WNK3: variants seen among roughly 807,000 people sequenced by gnomAD.
The protein encoded by WNK3 is serine/threonine-protein kinase WNK3.
Under a neutral mutation model 116.7 loss-of-function variants are expected in WNK3, and 18 were observed. The ratio of observed to expected loss-of-function variants is 0.15; its 90% CI spans 0.11 to 0.23. The LOEUF (loss-of-function observed/expected upper bound fraction) is 0.23. Among genes scored for constraint, WNK3 ranks in the 10% least tolerant of loss-of-function variants. The pLI is 1.00. For missense variants in WNK3, 993 were observed against 1,323.8 expected, an observed-to-expected ratio of 0.75 and a Z score of 3.88; for synonymous variants, 404 against 469.4, an observed-to-expected ratio of 0.86 and a Z score of 1.80.
At chrX:54,202,287 G>A in intron 22 of WNK3, 94 bp from the exon 23 acceptor site, 2 of 806,065 alleles carry the variant, frequency 2.5e-6, no homozygotes, top group South Asian at 5.2e-5. Flanking sequence ...AGTTAACAGA[G>A]CCACACATGG....
At chrX:54,241,637 G>T in intron 17 of WNK3, among the ~76,000 whole-genome samples, 1 of 111,282 alleles carries the variant, frequency 9.0e-6, no homozygotes, top group Non-Finnish European at 1.9e-5. Context: ...AAAGCAAAAG[G>T]ACAAACAAAT....
chrX:54,353,107 T>G (rs1386909979), intron 1 of WNK3, among the ~76,000 whole-genome samples: 2 of 111,894 alleles, frequency 1.8e-5, no homozygotes, highest in Non-Finnish European at 3.8e-5. Context: ...TGAGGTGGTG[T>G]TAGCTGCACA....
intron 6 of WNK3, among the ~76,000 whole-genome samples, 162 bp from the exon 7 acceptor site, chrX:54,298,556 T>C (rs2068723237): frequency 4.5e-5 from 5 of 112,225 alleles, no homozygotes; most frequent in African/African-American, 1.3e-4. Context: ...CTTTAACAGA[T>C]CCTGTGGAAG....
intron 10 of WNK3, among the ~76,000 whole-genome samples, chrX:54,271,937 T>C (rs1337038856): frequency 2.7e-5 from 3 of 112,272 alleles, no homozygotes; most frequent in African/African-American, 9.7e-5. Flanking sequence ...AAATGACTAA[T>C]GTCCTTATTA....
intron 1 of WNK3, among the ~76,000 whole-genome samples, chrX:54,355,634 A>G (rs950071144): frequency 2.7e-5 from 3 of 111,186 alleles, no homozygotes; most frequent in Non-Finnish European, 3.8e-5. Flanking sequence ...AAGCAAAGGC[A>G]GAGAGAGAAA....
chrX:54,358,779 AT>A (rs1350905757), upstream of WNK3: 1 of 112,889 alleles, frequency 8.9e-6, no homozygotes, highest in Non-Finnish European at 1.9e-5. Context: ...GACGGGTGCG[AT>A]GTACCCTGGG....
At chrX:54,212,448 A>G (rs782551038) in intron 22 of WNK3, among the ~76,000 whole-genome samples, 1 of 112,378 alleles carries the variant, frequency 8.9e-6, no homozygotes, top group Non-Finnish European at 1.9e-5. Flanking sequence ...GGAATCCCAG[A>G]AGGGAATGTA....
At chrX:54,258,630 G>A (rs1257610383) in intron 11 of WNK3, among the ~76,000 whole-genome samples, 1 of 109,845 alleles carries the variant, frequency 9.1e-6, no homozygotes, top group East Asian at 2.9e-4. Flanking sequence ...CACTGCACCC[G>A]GCCTCTAACA....
chrX:54,351,017 C>T (rs1187724999), intron 1 of WNK3, among the ~76,000 whole-genome samples: 3 of 110,235 alleles, frequency 2.7e-5, no homozygotes, highest in African/African-American at 9.9e-5. Context: ...ACCCACAAAA[C>T]TATGTATTTC....
At position 54,307,465 on chromosome X, in the gene WNK3, G is replaced by A. The variant is rs189139822; in HGVS notation, c.1089+457C>T. 6.9e-3 allele frequency among the ~76,000 whole-genome samples: 760 copies of A among 110,670 alleles called. 14 individuals are homozygous for A. Among genetic ancestry groups the A allele is most frequent in the Non-Finnish European group, 8.3e-3 (440 of 52,955 alleles). ...TTATTAGAAATGTAAGCTCTTTAGG[G>A]TAGCAAACACTTCTTACTCATGTTT... On this transcript the variant is annotated intron_variant, in intron 5 of 23. Coordinates refer to ENST00000354646, the Ensembl canonical transcript of WNK3.
chrX:54,298,501 C>T lies in WNK3; in HGVS notation c.1179-107G>A, dbSNP rs1557166837. 5.1e-6 allele frequency: 3 copies of T among 591,826 alleles called. No individual in the cohort carries two copies. In the African/African-American group the frequency reaches 6.9e-5, roughly 14 times the overall value. The allele number at this position is 591,826 out of a possible 1,213,427, so 48.8% of individuals were successfully genotyped here. ...AAGCAAAAAACTTATTTGAAATTTT[C>T]TATCAATTTAATCATTAATCTGCCT... On this transcript the variant is annotated intron_variant, in intron 6 of 23. Coordinates refer to ENST00000354646, the Ensembl canonical transcript of WNK3.
At chrX:54,211,986 G>T (rs868958271) in intron 22 of WNK3, among the ~76,000 whole-genome samples, 1 of 111,971 alleles carries the variant, frequency 8.9e-6, no homozygotes. Flanking sequence ...CAGCACTTTG[G>T]GAGGTTGAGG....
At chrX:54,346,605 C>CAAAAAA (rs57558276) in intron 1 of WNK3, among the ~76,000 whole-genome samples, 1 of 47,393 alleles carries the variant, frequency 2.1e-5, no homozygotes, top group African/African-American at 8.2e-5. Flanking sequence ...GACTCTGTCT[C>CAAAAAA]AAAAAAAAAA....
chrX:54,193,123 A>G (rs1482666837), exon 24 of WNK3: 5 of 111,988 alleles, frequency 4.5e-5, no homozygotes, highest in African/African-American at 1.6e-4. Flanking sequence ...ATACAACTAA[A>G]TGTTAAGTGT....
At chrX:54,217,184 C>T (rs1603374171) in intron 22 of WNK3, among the ~76,000 whole-genome samples, 1 of 107,101 alleles carries the variant, frequency 9.3e-6, no homozygotes, top group Non-Finnish European at 1.9e-5. Context: ...TGGGTGTGGT[C>T]GTGGGCGCCT....
intron 12 of WNK3, among the ~76,000 whole-genome samples, chrX:54,254,877 C>T (rs191680216): frequency 4.5e-5 from 5 of 111,648 alleles, no homozygotes; most frequent in Admixed American, 2.9e-4. Context: ...CTAAAACATA[C>T]ATTATATTGG....
intron 22 of WNK3, among the ~76,000 whole-genome samples, chrX:54,204,698 C>A (rs1421782289): frequency 8.9e-6 from 1 of 112,119 alleles, no homozygotes; most frequent in Non-Finnish European, 1.9e-5. Context: ...AAGAGCACAA[C>A]AAAGTTGGGG....
chrX:54,247,629 G>A (rs955653789), intron 17 of WNK3, among the ~76,000 whole-genome samples: 1 of 109,827 alleles, frequency 9.1e-6, no homozygotes, highest in Non-Finnish European at 1.9e-5. Context: ...TTTGGGGATG[G>A]GGTGGATTTT....
At chrX:54,278,525 CAG>C (rs1569537613) in intron 10 of WNK3, among the ~76,000 whole-genome samples, 2 of 110,061 alleles carry the variant, frequency 1.8e-5, no homozygotes, top group Non-Finnish European at 3.8e-5. Context: ...ATGTAATTAA[CAG>C]AGAGTTAAAA....
Sources: gnomAD v4.1 joint callset for allele counts (sites outside exome capture counted in the v4.1 genomes callset) on GRCh38, gnomAD v4.1.1 for gene constraint, MANE v1.5 for transcripts, NCBI Gene and HGNC (gene_info 2026-07-23, HGNC 2026-07-21) for gene names.